Variants in DCDC2 observed in about 807,000 individuals in gnomAD.
The protein encoded by DCDC2 is doublecortin domain containing 2.
DCDC2 carries 40 observed loss-of-function variants against 50.2 expected under a neutral mutation model. The ratio of observed to expected loss-of-function variants is 0.80; its 90% CI spans 0.62 to 1.04. The LOEUF (loss-of-function observed/expected upper bound fraction) is 1.04. DCDC2 is among the 50% of genes least tolerant of loss of function. DCDC2 has a pLI of 0.00. For missense variants in DCDC2, 570 were observed against 581.9 expected, an observed-to-expected ratio of 0.98 and a Z score of 0.21; for synonymous variants, 234 against 210.6, an observed-to-expected ratio of 1.11 and a Z score of -0.96.
At chr6:24,267,055 CA>C in intron 7 of DCDC2, among the ~76,000 whole-genome samples, 1 of 152,084 alleles carries the variant, frequency 6.6e-6, no homozygotes, top group South Asian at 2.1e-4. Flanking sequence ...AATCCAGGCA[CA>C]AAGACAAACT....
intron 2 of DCDC2, among the ~76,000 whole-genome samples, chr6:24,306,030 A>G (rs1402534175): frequency 6.6e-6 from 1 of 151,004 alleles, no homozygotes; most frequent in African/African-American, 2.4e-5. Flanking sequence ...CTCTGTCTCA[A>G]AAAAAAAAGA....
intron 7 of DCDC2, among the ~76,000 whole-genome samples, chr6:24,242,810 A>C (rs952053648): frequency 6.6e-6 from 1 of 152,058 alleles, no homozygotes; most frequent in Non-Finnish European, 1.5e-5. Context: ...AGAAATACAA[A>C]AATTAGCCAG....
At position 24,278,038 on chromosome 6, in the gene DCDC2, A is replaced by G; in HGVS notation, c.922+11T>C. 9 of 1,596,360 alleles carry G rather than the reference A, an allele frequency of 5.6e-6. No individual in the cohort carries two copies. Among genetic ancestry groups the G allele is most frequent in the African/African-American group, 2.7e-5 (2 of 74,476 alleles). ...TGTATCACAGCCTTAAGATAATAAT[A>G]ACACACTTACCACTATTTGGAATGG... On this transcript the variant is annotated intron_variant, in intron 7 of 9. Coordinates refer to ENST00000378454, the MANE Select transcript of DCDC2 (RefSeq NM_016356.5).
At chr6:24,233,313 C>A (rs1177209441) in intron 7 of DCDC2, among the ~76,000 whole-genome samples, 1 of 152,206 alleles carries the variant, frequency 6.6e-6, no homozygotes, top group African/African-American at 2.4e-5. Context: ...TGGCCTCTAT[C>A]TATTCATATT....
At chr6:24,200,051 G>T (rs775132648) in intron 8 of DCDC2, among the ~76,000 whole-genome samples, 2 of 152,182 alleles carry the variant, frequency 1.3e-5, no homozygotes, top group Non-Finnish European at 2.9e-5. Flanking sequence ...CCCTAAAAGT[G>T]ATAGGGAGAA....
At position 24,337,553 on chromosome 6, in the gene DCDC2, G is replaced by A. The variant is rs188468260; in HGVS notation, c.348+16016C>T. On this transcript the variant is annotated intron_variant, in intron 2 of 9. Coordinates refer to ENST00000378454, the MANE Select transcript of DCDC2 (RefSeq NM_016356.5). ...TCACACCTGTAATCCCAGCACTTTG[G>A]GAGGCCGAGGTGGGCGGATCGCTTG... Among the ~76,000 whole-genome samples, 483 of 152,250 alleles carry A rather than the reference G, an allele frequency of 3.2e-3. 1 individual carries two copies. Among genetic ancestry groups the A allele is most frequent in the African/African-American group, 9.1e-3 (380 of 41,550 alleles).
intron 7 of DCDC2, among the ~76,000 whole-genome samples, chr6:24,209,500 A>G (rs1187943339): frequency 6.6e-6 from 1 of 152,164 alleles, no homozygotes; most frequent in Non-Finnish European, 1.5e-5. Context: ...TAAAAACAGG[A>G]ACTTAGTGTT....
At chr6:24,287,414 G>T (rs1561759314) in intron 6 of DCDC2, among the ~76,000 whole-genome samples, 1 of 152,100 alleles carries the variant, frequency 6.6e-6, no homozygotes. Context: ...GAAGTGCAGT[G>T]GGGCAATCTC....
intron 7 of DCDC2, among the ~76,000 whole-genome samples, chr6:24,237,941 G>T (rs1762482418): frequency 6.6e-6 from 1 of 151,048 alleles, no homozygotes; most frequent in African/African-American, 2.4e-5. Context: ...AGGGAGGAGA[G>T]CAAGGGTTGA....
At chr6:24,362,480 TTTTA>T (rs1432320065), upstream of DCDC2, among the ~76,000 whole-genome samples, 3 of 103,226 alleles carry the variant, frequency 2.9e-5, no homozygotes, top group African/African-American at 4.3e-5. Context: ...TATACAATTT[TTTTA>T]TTTAATTGTA....
chr6:24,308,112 C>T (rs767090556), intron 2 of DCDC2, among the ~76,000 whole-genome samples: 4 of 152,188 alleles, frequency 2.6e-5, no homozygotes, highest in African/African-American at 4.8e-5. Context: ...CCCATGGGGC[C>T]TTCTTCAAGT....
At chr6:24,348,427 C>T (rs1760307052) in intron 2 of DCDC2, among the ~76,000 whole-genome samples, 1 of 152,188 alleles carries the variant, frequency 6.6e-6, no homozygotes, top group African/African-American at 2.4e-5. Flanking sequence ...AGAAGGGATC[C>T]TTGTGGCATT....
intron 7 of DCDC2, among the ~76,000 whole-genome samples, chr6:24,234,562 G>T (rs1443433056): frequency 6.6e-6 from 1 of 152,150 alleles, no homozygotes; most frequent in African/African-American, 2.4e-5. Context: ...ACCTAAACAA[G>T]GGTGGCGGTA....
intron 2 of DCDC2, among the ~76,000 whole-genome samples, chr6:24,305,740 C>T (rs2113841134): frequency 6.6e-6 from 1 of 152,218 alleles, no homozygotes; most frequent in South Asian, 2.1e-4. Context: ...ATAAATGCCA[C>T]TTCAGGCCAG....
At chr6:24,302,103 C>G in intron 2 of DCDC2, 59 bp from the exon 3 acceptor site, 1 of 1,474,204 alleles carries the variant, frequency 6.8e-7, no homozygotes. Flanking sequence ...TTTTTTTTTC[C>G]TATGAGGAAA....
chr6:24,337,919 G>T (rs1760087552), intron 2 of DCDC2, among the ~76,000 whole-genome samples: 1 of 151,688 alleles, frequency 6.6e-6, no homozygotes, highest in South Asian at 2.1e-4. Flanking sequence ...TTAAATCAAG[G>T]TATTAAAAAA....
rs551901588 is a variant in DCDC2 at position 24,339,808 on chromosome 6, A to G, written c.348+13761T>C. Among the ~76,000 whole-genome samples, 6 of 152,328 alleles carry G rather than the reference A, an allele frequency of 3.9e-5. No individual in the cohort carries two copies. The South Asian group carries it at 8.3e-4, about 21-fold the overall frequency. ...GGACATCTAACCAAGATTGTCTATG[A>G]ATGGATATATTTATAATAAGTGTTG... On this transcript the variant is annotated intron_variant, in intron 2 of 9. Transcript: ENST00000378454.
chr6:24,207,144 T>C (rs1035936231), intron 7 of DCDC2, among the ~76,000 whole-genome samples: 3 of 152,200 alleles, frequency 2.0e-5, no homozygotes, highest in Non-Finnish European at 4.4e-5. Flanking sequence ...TTTATATGCA[T>C]TTTAGAAAAC....
chr6:24,184,022 T>A (rs1481293009), intron 8 of DCDC2, among the ~76,000 whole-genome samples: 1 of 152,216 alleles, frequency 6.6e-6, no homozygotes, highest in Non-Finnish European at 1.5e-5. Flanking sequence ...ACTCTCACAA[T>A]AGCCCTATGA....
Sources: allele counts gnomAD v4.1 joint callset (sites outside exome capture counted in the v4.1 genomes callset), GRCh38; gene constraint gnomAD v4.1.1; transcripts MANE v1.5; gene names NCBI Gene and HGNC (gene_info 2026-07-23, HGNC 2026-07-21).